WWTR1: variants seen among roughly 807,000 people sequenced by gnomAD.
The protein encoded by WWTR1 is WW domain containing transcription regulator 1.
In WWTR1, 13 loss-of-function variants were observed where a neutral mutation model predicts 40.1. That is an observed-to-expected ratio of 0.32 (90% confidence interval 0.21 to 0.52). The LOEUF is 0.52. Ranked by LOEUF, WWTR1 falls within the 20% of genes least tolerant of loss-of-function variation. The pLI is 0.97. For synonymous variants in WWTR1, 230 were observed against 210.1 expected, an observed-to-expected ratio of 1.09 and a Z score of -0.82; for missense variants, 436 against 523.1, an observed-to-expected ratio of 0.83 and a Z score of 1.63.
intron 5 of WWTR1, among the ~76,000 whole-genome samples, chr3:149,708,926 A>G (rs953695859): frequency 1.3e-5 from 2 of 152,136 alleles, no homozygotes; most frequent in African/African-American, 4.8e-5. Flanking sequence ...TTACATTCTC[A>G]CCAACATCAT....
rs147947322 is a variant in WWTR1, at chr3:149,654,558, T to C, written c.431+2318A>G. ...TGGAGAGTGGTTGTGGTTGGGGGGA[T>C]GGGCAGAGAGATCACAGCAACTTTC... On this transcript the variant is annotated intron_variant, in intron 2 of 6. Transcript: ENST00000360632. Among the ~76,000 whole-genome samples, 551 of 152,294 alleles carry C rather than the reference T, an allele frequency of 3.6e-3. 4 individuals are homozygous for C. The highest frequency in any genetic ancestry group is 0.013 in the South Asian group (63 of 4,826).
At chr3:149,669,904 A>C (rs1237110875) in intron 1 of WWTR1, 1 of 152,322 alleles carries the variant, frequency 6.6e-6, no homozygotes, top group African/African-American at 2.4e-5. Flanking sequence ...GCAAAAGTTA[A>C]AGAGGAGAAA....
chr3:149,689,432 C>T (rs1315513918), intron 1 of WWTR1, among the ~76,000 whole-genome samples: 1 of 77,018 alleles, frequency 1.3e-5, no homozygotes, highest in African/African-American at 4.5e-5. Flanking sequence ...AAAAGAATAA[C>T]CCAAATAAGA....
At chr3:149,582,015 T>C (rs1208567231) in intron 2 of WWTR1, among the ~76,000 whole-genome samples, 1 of 151,984 alleles carries the variant, frequency 6.6e-6, no homozygotes, top group African/African-American at 2.4e-5. Context: ...GTTTTGTCCC[T>C]GGGGTGGGAA....
At chr3:149,525,086 G>A (rs1735235046) in intron 6 of WWTR1, among the ~76,000 whole-genome samples, 1 of 152,196 alleles carries the variant, frequency 6.6e-6, no homozygotes, top group Admixed American at 6.5e-5. Context: ...AGCCTGGTGA[G>A]GCTGGACCTG....
chr3:149,722,161 ATCTT>A (rs1715770261), intron 4 of WWTR1, among the ~76,000 whole-genome samples: 1 of 151,716 alleles, frequency 6.6e-6, no homozygotes, highest in Admixed American at 6.6e-5. Flanking sequence ...AATTTTGTTG[ATCTT>A]TTGGAAGAAC....
chr3:149,605,643 A>T (rs550453685), intron 2 of WWTR1, among the ~76,000 whole-genome samples: 1 of 152,318 alleles, frequency 6.6e-6, no homozygotes, highest in East Asian at 1.9e-4. Context: ...TCCAGCACTC[A>T]AAAGAAAGAT....
At chr3:149,539,508 C>T (rs1214940386) in intron 4 of WWTR1, among the ~76,000 whole-genome samples, 1 of 152,148 alleles carries the variant, frequency 6.6e-6, no homozygotes, top group Non-Finnish European at 1.5e-5. Context: ...AGGCCGCCTA[C>T]AAGCAAGAGG....
In WWTR1 at chr3:149,531,492, T is replaced by A. The variant is rs559418952; in HGVS notation, c.772-3523A>T. ...CAGCCCTGGCCACCCTTTCCTCCCATGTCTCTGATGTGCTCCCCTCCTTCA... is the reference window on the plus strand; with the variant it reads ...CAGCCCTGGCCACCCTTTCCTCCCAAGTCTCTGATGTGCTCCCCTCCTTCA... On this transcript the variant is annotated intron_variant, in intron 4 of 6. Transcript: ENST00000360632. 2.6e-5 allele frequency among the ~76,000 whole-genome samples: 4 copies of A among 152,188 alleles called. No homozygotes were observed. The East Asian group carries it at 7.8e-4, about 30-fold the overall frequency.
intron 5 of WWTR1, among the ~76,000 whole-genome samples, chr3:149,709,898 C>CT (rs1242103795): frequency 6.6e-6 from 1 of 152,074 alleles, no homozygotes; most frequent in African/African-American, 2.4e-5. Context: ...GAGCGAAACT[C>CT]TATCTCAAAA....
chr3:149,588,239 G>A (rs1479416790), intron 2 of WWTR1, among the ~76,000 whole-genome samples: 1 of 152,180 alleles, frequency 6.6e-6, no homozygotes. Flanking sequence ...CGTGATGGCT[G>A]GAGCTGCAGC....
At chr3:149,607,063 A>G (rs1405807650) in intron 2 of WWTR1, among the ~76,000 whole-genome samples, 1 of 152,366 alleles carries the variant, frequency 6.6e-6, no homozygotes, top group East Asian at 1.9e-4. Flanking sequence ...TGTAAAGCCC[A>G]AAAATGCCAC....
intron 2 of WWTR1, among the ~76,000 whole-genome samples, chr3:149,645,372 C>T (rs1391167911): frequency 6.6e-6 from 1 of 152,120 alleles, no homozygotes; most frequent in Admixed American, 6.5e-5. Flanking sequence ...AGCCACCACG[C>T]CTGGCCCCAG....
At chr3:149,636,989 A>AAAG (rs1553802418) in intron 2 of WWTR1, among the ~76,000 whole-genome samples, 1 of 150,652 alleles carries the variant, frequency 6.6e-6, no homozygotes, top group African/African-American at 2.4e-5. Context: ...AAAAAAAAAA[A>AAAG]AGAGAGAAGT....
intron 2 of WWTR1, among the ~76,000 whole-genome samples, chr3:149,605,412 T>G (rs896436461): frequency 6.6e-6 from 1 of 151,876 alleles, no homozygotes; most frequent in African/African-American, 2.4e-5. Flanking sequence ...ATGGAGGAAA[T>G]GTATGAGGCG....
At chr3:149,708,206 C>T (rs1201182908), upstream of WWTR1, among the ~76,000 whole-genome samples, 4 of 152,146 alleles carry the variant, frequency 2.6e-5, no homozygotes, top group African/African-American at 9.7e-5. Flanking sequence ...CTCTCAATAA[C>T]GCAGACTCAC....
chr3:149,580,636 G>A (rs998861091), intron 2 of WWTR1, among the ~76,000 whole-genome samples: 3 of 152,074 alleles, frequency 2.0e-5, no homozygotes, highest in African/African-American at 4.8e-5. Context: ...TTTTTGAGAC[G>A]GAGTTTCGCT....
chr3:149,539,642 C>T (rs1356649823), intron 4 of WWTR1, among the ~76,000 whole-genome samples: 1 of 152,192 alleles, frequency 6.6e-6, no homozygotes, highest in East Asian at 1.9e-4. Flanking sequence ...TTAAATTTCA[C>T]CAGAACCACC....
At chr3:149,590,970 C>T (rs1738687780) in intron 2 of WWTR1, among the ~76,000 whole-genome samples, 1 of 151,438 alleles carries the variant, frequency 6.6e-6, no homozygotes, top group Non-Finnish European at 1.5e-5. Flanking sequence ...TTGAGTCACA[C>T]AGTATGTCAA....
Sources: gnomAD v4.1 joint callset for allele counts (sites outside exome capture counted in the v4.1 genomes callset) on GRCh38, gnomAD v4.1.1 for gene constraint, MANE v1.5 for transcripts, NCBI Gene and HGNC (gene_info 2026-07-23, HGNC 2026-07-21) for gene names.